Variants in TMEFF1 observed in about 807,000 individuals in gnomAD.
TMEFF1 encodes tomoregulin-1.
In TMEFF1, 20 loss-of-function variants were observed where a neutral mutation model predicts 47.5. The ratio of observed to expected loss-of-function variants is 0.42; its 90% CI spans 0.30 to 0.61. The LOEUF (loss-of-function observed/expected upper bound fraction) is 0.61. TMEFF1 is among the 20% of genes least tolerant of loss of function. The pLI, the probability that TMEFF1 is intolerant of heterozygous loss-of-function variation, is 0.19. For synonymous variants in TMEFF1, 162 were observed against 166.3 expected (o/e 0.97, Z 0.20); for missense variants, 411 against 471.1 (o/e 0.87, Z 1.18).
chr9:100,530,283 T>C (rs902832122), intron 5 of TMEFF1, among the ~76,000 whole-genome samples: 2 of 151,932 alleles, frequency 1.3e-5, no homozygotes, highest in Non-Finnish European at 2.9e-5. Context: ...TTCAAAAAAT[T>C]AATGAATCCA....
At chr9:100,562,504 A>G (rs1046363379) in intron 8 of TMEFF1, among the ~76,000 whole-genome samples, 4 of 152,180 alleles carry the variant, frequency 2.6e-5, no homozygotes, top group Admixed American at 2.0e-4. Flanking sequence ...TAGTTCTTTA[A>G]GACATTTGCT....
At chr9:100,541,739 A>G (rs1213782583) in intron 5 of TMEFF1, among the ~76,000 whole-genome samples, 2 of 152,190 alleles carry the variant, frequency 1.3e-5, no homozygotes, top group African/African-American at 2.4e-5. Flanking sequence ...AGACTATCTT[A>G]AAATGTTTAG....
intron 8 of TMEFF1, among the ~76,000 whole-genome samples, chr9:100,562,534 T>C (rs1839035908): frequency 6.6e-6 from 1 of 152,216 alleles, no homozygotes; most frequent in Admixed American, 6.5e-5. Flanking sequence ...TTGAAAGTTC[T>C]CCTTGTCTTT....
intron 1 of TMEFF1, among the ~76,000 whole-genome samples, chr9:100,488,502 C>T (rs540538732): frequency 6.6e-6 from 1 of 152,236 alleles, no homozygotes; most frequent in Admixed American, 6.5e-5. Flanking sequence ...AGAGGTTGTG[C>T]CACTATGTAC....
At chr9:100,553,711 A>G (rs1281550061) in intron 7 of TMEFF1, among the ~76,000 whole-genome samples, 1 of 152,200 alleles carries the variant, frequency 6.6e-6, no homozygotes, top group Non-Finnish European at 1.5e-5. Flanking sequence ...TTTAGAAAAC[A>G]TGTATCTATG....
intron 5 of TMEFF1, among the ~76,000 whole-genome samples, chr9:100,526,565 T>C (rs1378150318): frequency 2.6e-5 from 4 of 152,116 alleles, no homozygotes; most frequent in African/African-American, 9.7e-5. Context: ...AGAGTACTCA[T>C]TTTTAGAGCA....
Position 100,577,228 on chromosome 9 carries a change from T to C in TMEFF1, c.*628T>C, listed in dbSNP as rs1208415600. On this transcript the variant is annotated 3_prime_UTR_variant, in exon 10 of 10. Coordinates refer to ENST00000374879, the MANE Select transcript of TMEFF1 (RefSeq NM_003692.5). ...GATCAATGAAAAGTAGATATAGATA[T>C]TGTGAAAATAGGCTGTTTAACAAAC... 3 of 152,620 alleles carry C rather than the reference T, an allele frequency of 2.0e-5. No homozygotes were observed. The highest frequency in any genetic ancestry group is 7.2e-5 in the African/African-American group (3 of 41,452). The allele number at this position is 152,620 out of a possible 1,614,324, so 9.5% of individuals were successfully genotyped here.
At chr9:100,527,171 GA>G (rs1181834933) in intron 5 of TMEFF1, among the ~76,000 whole-genome samples, 1 of 151,706 alleles carries the variant, frequency 6.6e-6, no homozygotes, top group Non-Finnish European at 1.5e-5. Context: ...TACCTACTTT[GA>G]AAGATTGGAA....
chr9:100,533,509 C>G (rs1183124724), intron 5 of TMEFF1, among the ~76,000 whole-genome samples: 1 of 151,934 alleles, frequency 6.6e-6, no homozygotes, highest in Non-Finnish European at 1.5e-5. Flanking sequence ...TTATCTTTTT[C>G]TCTCTCAGGA....
At chr9:100,489,430 A>C (rs573836014) in intron 1 of TMEFF1, among the ~76,000 whole-genome samples, 2 of 152,136 alleles carry the variant, frequency 1.3e-5, no homozygotes, top group African/African-American at 4.8e-5. Flanking sequence ...GGCTCAAGCA[A>C]TCCTCCTGCC....
chr9:100,562,996 T>G (rs1008886765), intron 8 of TMEFF1, among the ~76,000 whole-genome samples: 5 of 152,170 alleles, frequency 3.3e-5, no homozygotes, highest in Non-Finnish European at 7.4e-5. Context: ...TTTTGTATTT[T>G]TAGTAGAGAT....
intron 1 of TMEFF1, among the ~76,000 whole-genome samples, chr9:100,495,247 C>G (rs1404387566): frequency 6.6e-6 from 1 of 152,108 alleles, no homozygotes; most frequent in East Asian, 1.9e-4. Context: ...TCTTTTCTTT[C>G]CTGTCTTTTA....
At chr9:100,565,854 G>C (rs973599324) in intron 8 of TMEFF1, among the ~76,000 whole-genome samples, 1 of 151,962 alleles carries the variant, frequency 6.6e-6, no homozygotes, top group Non-Finnish European at 1.5e-5. Context: ...ACCAGTTACT[G>C]TCCTGTTTGT....
chr9:100,567,409 C>T (rs1839145465), intron 8 of TMEFF1, among the ~76,000 whole-genome samples: 1 of 152,176 alleles, frequency 6.6e-6, no homozygotes, highest in South Asian at 2.1e-4. Flanking sequence ...TTCGCAGTTT[C>T]CCTTAACACC....
At chr9:100,537,165 A>C (rs968655573) in intron 5 of TMEFF1, among the ~76,000 whole-genome samples, 1 of 152,210 alleles carries the variant, frequency 6.6e-6, no homozygotes, top group Admixed American at 6.5e-5. Context: ...GTATGTGTCT[A>C]AAGTTTGATG....
intron 5 of TMEFF1, among the ~76,000 whole-genome samples, chr9:100,544,619 T>C (rs954539875): frequency 1.3e-5 from 2 of 152,186 alleles, no homozygotes; most frequent in Non-Finnish European, 2.9e-5. Flanking sequence ...CCAAATCTCA[T>C]GTCCTCACAT....
At chr9:100,556,429 G>A (rs1838916568) in intron 7 of TMEFF1, among the ~76,000 whole-genome samples, 1 of 152,022 alleles carries the variant, frequency 6.6e-6, no homozygotes, top group African/African-American at 2.4e-5. Flanking sequence ...GTTAGTGCTG[G>A]GTACCACTCT....
At chr9:100,540,553 C>G (rs1471420994) in intron 5 of TMEFF1, among the ~76,000 whole-genome samples, 2 of 152,240 alleles carry the variant, frequency 1.3e-5, no homozygotes, top group African/African-American at 4.8e-5. Context: ...CGGCCTTGGC[C>G]AGCCCCAGAG....
chr9:100,521,834 C>T (rs527548033), intron 5 of TMEFF1, among the ~76,000 whole-genome samples: 2 of 152,308 alleles, frequency 1.3e-5, no homozygotes, highest in African/African-American at 4.8e-5. Context: ...GCTCTTCTGC[C>T]TTTTTTATGT....
Sources: gnomAD v4.1 joint callset for allele counts (sites outside exome capture counted in the v4.1 genomes callset) on GRCh38, gnomAD v4.1.1 for gene constraint, MANE v1.5 for transcripts, NCBI Gene and HGNC (gene_info 2026-07-23, HGNC 2026-07-21) for gene names.